The following RAD51B variants were observed in gnomAD, a reference collection of about 807,000 sequenced individuals.
RAD51B encodes the protein RAD51 paralog B.
Under a neutral mutation model 42.2 loss-of-function variants are expected in RAD51B, and 38 were observed. The observed-to-expected ratio is 0.90, with a 90% CI of 0.70 to 1.18. RAD51B has a LOEUF of 1.18. Among genes scored for constraint, RAD51B ranks in the 50% most tolerant of loss-of-function variants. RAD51B has a pLI of 0.00. For synonymous variants in RAD51B, 154 were observed against 145.2 expected (o/e 1.06, Z -0.43); for missense variants, 373 against 400.7 (o/e 0.93, Z 0.59).
At chr14:68,305,585 G>A (rs2081843754) in intron 8 of RAD51B, among the ~76,000 whole-genome samples, 1 of 152,210 alleles carries the variant, frequency 6.6e-6, no homozygotes, top group Admixed American at 6.5e-5. Flanking sequence ...GAATTGCCAG[G>A]ATGAGAGAAG....
At chr14:68,267,711 C>G (rs1386501291) in intron 7 of RAD51B, among the ~76,000 whole-genome samples, 6 of 152,210 alleles carry the variant, frequency 3.9e-5, no homozygotes, top group African/African-American at 1.4e-4. Context: ...TTATGTCTCT[C>G]TAGCTCACAA....
intron 8 of RAD51B, among the ~76,000 whole-genome samples, chr14:68,382,177 A>C (rs1027883658): frequency 6.6e-6 from 1 of 152,214 alleles, no homozygotes; most frequent in African/African-American, 2.4e-5. Flanking sequence ...TTTGTGCCAA[A>C]TTATTCTTGA....
intron 8 of RAD51B, among the ~76,000 whole-genome samples, chr14:68,345,220 G>A (rs2139850153): frequency 6.6e-6 from 1 of 152,288 alleles, no homozygotes; most frequent in East Asian, 1.9e-4. Flanking sequence ...AGACTTGGGA[G>A]AACTATTGAG....
At chr14:68,598,015 G>GA (rs1271694543), downstream of RAD51B, among the ~76,000 whole-genome samples, 1 of 152,114 alleles carries the variant, frequency 6.6e-6, no homozygotes, top group Non-Finnish European at 1.5e-5. Flanking sequence ...GACCAGCTTA[G>GA]AAAAATAGAC....
exon 11 of RAD51B, chr14:68,611,547 C>A: frequency 2.2e-6 from 1 of 445,656 alleles, no homozygotes; most frequent in Non-Finnish European, 4.1e-6. Context: ...GCTTATTAAG[C>A]CTTGCAGCTC....
At chr14:68,576,401 C>T (rs914639133) in intron 10 of RAD51B, among the ~76,000 whole-genome samples, 2 of 152,202 alleles carry the variant, frequency 1.3e-5, no homozygotes, top group African/African-American at 4.8e-5. Flanking sequence ...CTGCCTGCCA[C>T]CCCCAACCCA....
intron 9 of RAD51B, among the ~76,000 whole-genome samples, chr14:68,461,875 C>T (rs1022495956): frequency 6.6e-6 from 1 of 152,166 alleles, no homozygotes; most frequent in Admixed American, 6.5e-5. Flanking sequence ...TTTCCTTCCA[C>T]GCTTTATTTA....
intron 7 of RAD51B, among the ~76,000 whole-genome samples, chr14:67,966,631 G>T (rs543607204): frequency 1.1e-4 from 17 of 152,260 alleles, no homozygotes; most frequent in African/African-American, 3.6e-4. Context: ...TCTATGCATT[G>T]ACTTAGAGAT....
chr14:68,008,306 G>C (rs769538413), intron 7 of RAD51B, among the ~76,000 whole-genome samples: 5 of 151,668 alleles, frequency 3.3e-5, no homozygotes, highest in Non-Finnish European at 5.9e-5. Flanking sequence ...TAGACAAATT[G>C]ATCTTCATAT....
chr14:68,184,569 C>A (rs923057883), intron 7 of RAD51B, among the ~76,000 whole-genome samples: 1 of 145,174 alleles, frequency 6.9e-6, no homozygotes, highest in Admixed American at 7.0e-5. Context: ...TGCTACTGCA[C>A]CACTCCAGCC....
chr14:68,577,197 T>A (rs764128900), intron 10 of RAD51B, among the ~76,000 whole-genome samples: 1 of 152,098 alleles, frequency 6.6e-6, no homozygotes, highest in African/African-American at 2.4e-5. Flanking sequence ...TTACTGTAAC[T>A]CAAAAGGAGA....
chr14:68,421,325 G>A (rs569351523), intron 9 of RAD51B, among the ~76,000 whole-genome samples: 12 of 152,120 alleles, frequency 7.9e-5, no homozygotes, highest in Admixed American at 4.6e-4. Context: ...ATGCTACGCC[G>A]CCTGAGCCTG....
chr14:68,345,862 G>T (rs971813891), intron 8 of RAD51B, among the ~76,000 whole-genome samples: 1 of 152,180 alleles, frequency 6.6e-6, no homozygotes, highest in Admixed American at 6.5e-5. Flanking sequence ...GTTTCACCAT[G>T]TTGGCCAGGC....
chr14:67,901,664 G>A (rs2043618410), intron 7 of RAD51B, among the ~76,000 whole-genome samples: 1 of 152,140 alleles, frequency 6.6e-6, no homozygotes, highest in African/African-American at 2.4e-5. Context: ...ACAAAGATAT[G>A]GAATCAACCA....
intron 8 of RAD51B, 118 bp from the exon 9 acceptor site, chr14:68,411,306 A>G (rs1001140515): frequency 2.5e-6 from 2 of 794,432 alleles, no homozygotes; most frequent in African/African-American, 1.7e-5. Flanking sequence ...TTCTGTGGTA[A>G]TGAACTGAGC....
In RAD51B at chr14:68,291,908, A is replaced by C; in HGVS notation, c.781A>C (p.Thr261Pro). 6.2e-7 allele frequency: 1 copy of C among 1,613,674 alleles called. No homozygotes were observed. The change falls in exon 8 of 11, where the codon ACC becomes CCC. Residue 261 changes from threonine (T) to proline (P), a missense_variant. Thr to Pro is a conservative substitution (Grantham distance 38). Coordinates refer to ENST00000471583, the MANE Select transcript of RAD51B (RefSeq NM_133510.4). ...GGTTATCTTGACGAATCAGATTACA[A>C]CCCATCTGAGTGGAGCCCTGGCTTC... The part of the protein sequence containing the change: ...IPVILTNQIT[T>P]HLSGALASQA...
At chr14:68,511,473 A>G (rs1233294244) in intron 10 of RAD51B, among the ~76,000 whole-genome samples, 1 of 152,242 alleles carries the variant, frequency 6.6e-6, no homozygotes, top group Non-Finnish European at 1.5e-5. Context: ...AGCCCGTATT[A>G]TCTGATAAGT....
chr14:68,060,338 C>T (rs574486599), intron 7 of RAD51B, among the ~76,000 whole-genome samples: 5 of 152,124 alleles, frequency 3.3e-5, no homozygotes, highest in Non-Finnish European at 7.4e-5. Flanking sequence ...AGTAAGTGGC[C>T]GACTTCAGAA....
chr14:68,005,959 T>C (rs763265966), intron 7 of RAD51B, among the ~76,000 whole-genome samples: 1 of 152,206 alleles, frequency 6.6e-6, no homozygotes, highest in South Asian at 2.1e-4. Context: ...TCTACACTTT[T>C]AGCAGGAGGA....
Sources: allele counts gnomAD v4.1 joint callset (sites outside exome capture counted in the v4.1 genomes callset), GRCh38; gene constraint gnomAD v4.1.1; transcripts MANE v1.5; gene names NCBI Gene and HGNC (gene_info 2026-07-23, HGNC 2026-07-21).